Variants in TRAF6 observed in about 807,000 individuals in gnomAD.
TRAF6 encodes TNF receptor-associated factor 6.
In TRAF6, 10 loss-of-function variants were observed where a neutral mutation model predicts 48.4. That is an observed-to-expected ratio of 0.21 (90% confidence interval 0.13 to 0.35). The LOEUF (loss-of-function observed/expected upper bound fraction) is 0.35, where lower values mean the gene tolerates loss of function less well. Ranked by LOEUF, TRAF6 falls within the 10% of genes least tolerant of loss-of-function variation. The pLI is 1.00. For synonymous variants in TRAF6, 186 were observed against 219.6 expected, an observed-to-expected ratio of 0.85 and a Z score of 1.35; for missense variants, 397 against 661.0, an observed-to-expected ratio of 0.60 and a Z score of 4.38.
chr11:36,486,389 AAC>A lies in TRAF6; in HGVS notation c.*3447_*3448del, dbSNP rs1295178778. Among the ~76,000 whole-genome samples the A allele has an allele frequency of 1.3e-5, 2 of 152,110 alleles. No individual in the cohort carries two copies. Among genetic ancestry groups the A allele is most frequent in the Non-Finnish European group, 1.5e-5 (1 of 68,036 alleles). On this transcript the variant is annotated 3_prime_UTR_variant, in exon 7 of 7. Transcript: ENST00000526995. ...AGTAGAACTTGAGGCAAGCCAAGAG[AAC>A]AGTGTTAGTACATACAAGCAATTGT...
At position 36,486,595 on chromosome 11, in the gene TRAF6, T is replaced by C. The variant is rs692743; in HGVS notation, c.*3243A>G. Among the ~76,000 whole-genome samples, 3,736 of 152,200 alleles carry C rather than the reference T, an allele frequency of 0.025. 165 individuals are homozygous for C. Among genetic ancestry groups the C allele is most frequent in the African/African-American group, 0.086 (3,551 of 41,462 alleles). ...CCAGTATCTCTGTATTATTCCATCATTAGAATAAAAAACACCTGCCTTCAT... is the reference window on the plus strand; with the variant it reads ...CCAGTATCTCTGTATTATTCCATCACTAGAATAAAAAACACCTGCCTTCAT... On this transcript the variant is annotated 3_prime_UTR_variant, in exon 7 of 7. Transcript: ENST00000526995.
At chr11:36,502,374 T>G (rs1458524132) in intron 1 of TRAF6, among the ~76,000 whole-genome samples, 1 of 152,208 alleles carries the variant, frequency 6.6e-6, no homozygotes, top group Non-Finnish European at 1.5e-5. Flanking sequence ...AGATGAGATA[T>G]CCTCAAATTC....
chr11:36,500,842 TAC>T (rs1859706204), intron 2 of TRAF6, among the ~76,000 whole-genome samples: 1 of 152,116 alleles, frequency 6.6e-6, no homozygotes, highest in Non-Finnish European at 1.5e-5. Context: ...ACTGATCACT[TAC>T]AGAGTCAGTA....
rs531155196 is a variant in TRAF6 at position 36,484,645 on chromosome 11, C to T, written c.*5193G>A. Among the ~76,000 whole-genome samples, 1 of 150,480 alleles carries T rather than the reference C, an allele frequency of 6.6e-6. No individual in the cohort carries two copies. Among genetic ancestry groups the T allele is most frequent in the East Asian group, 2.0e-4 (1 of 5,070 alleles). On this transcript the variant is annotated 3_prime_UTR_variant, in exon 7 of 7. Transcript: ENST00000526995. Reference sequence around the variant, plus strand: ...AGGACACGAAGACAAAACTGATTGACCCATGGTCAGTCAGGAGAAAATGTG... The same window carrying T: ...AGGACACGAAGACAAAACTGATTGATCCATGGTCAGTCAGGAGAAAATGTG...
At position 36,490,107 on chromosome 11, in the gene TRAF6, T is replaced by C. The variant is rs200661146; in HGVS notation, c.1300A>G (p.Ile434Val). The C allele has an allele frequency of 1.9e-6, 3 of 1,614,208 alleles. No individual in the cohort carries two copies. In the Admixed American group the frequency reaches 5.0e-5, roughly 27 times the overall value. ...WPFQGTIRLTILDQSEAPVRQ... is the reference protein window; with the variant it reads ...WPFQGTIRLTVLDQSEAPVRQ... ...ACAGGTGCTTCAGACTGATCAAGAATTGTAAGGCGTATTGTACCCTGGAAG... is the reference window on the plus strand; with the variant it reads ...ACAGGTGCTTCAGACTGATCAAGAACTGTAAGGCGTATTGTACCCTGGAAG... Residue 434 changes from isoleucine to valine, a missense_variant, in exon 7 of 7, where the codon ATT becomes GTT. Ile to Val is a conservative substitution (Grantham distance 29). Coordinates refer to ENST00000526995, the MANE Select transcript of TRAF6 (RefSeq NM_004620.4). The surrounding 1 kb of genome is among the most constrained non-coding windows in gnomAD (Gnocchi z 6.4).
Position 36,489,124 on chromosome 11 carries a change from G to T in TRAF6, c.*714C>A, listed in dbSNP as rs1859527515. 6.6e-6 allele frequency: 1 copy of T among 152,374 alleles called. No individual in the cohort carries two copies. 9.4% of individuals were successfully genotyped at this position (152,374 alleles called of 1,614,324 possible). A position where few individuals can be genotyped will look rare whatever the true frequency, so the allele number is the denominator to read the frequency against. On this transcript the variant is annotated 3_prime_UTR_variant, in exon 7 of 7. Transcript: ENST00000526995. The stretch of plus-strand genomic sequence containing the variant: ...GGTTCTCAGCATTATAAACTCTGGG[G>T]AAGATGCTACTTCGTAACCTCAAGG...
intron 1 of TRAF6, among the ~76,000 whole-genome samples, chr11:36,503,800 T>C (rs1441203870): frequency 6.6e-6 from 1 of 152,182 alleles, no homozygotes; most frequent in Non-Finnish European, 1.5e-5. Context: ...CAAATGATGC[T>C]GTTATGCTAC....
chr11:36,503,427 G>A (rs190877017), intron 1 of TRAF6, among the ~76,000 whole-genome samples: 73 of 151,994 alleles, frequency 4.8e-4, no homozygotes, highest in Non-Finnish European at 7.9e-4. Context: ...TGGGATTACA[G>A]GCGCCCGCCA....
At position 36,484,238 on chromosome 11, in the gene TRAF6, C is replaced by G. The variant is rs1366283272; in HGVS notation, c.*5600G>C. On this transcript the variant is annotated 3_prime_UTR_variant, in exon 7 of 7. Coordinates refer to ENST00000526995, the MANE Select transcript of TRAF6 (RefSeq NM_004620.4). ...TCAAATCTGGATAATTCCTTTAATC[C>G]CTTCCTTCAATACAACCTGCTCTTA... 6.6e-6 allele frequency among the ~76,000 whole-genome samples: 1 copy of G among 152,144 alleles called. No individual in the cohort carries two copies. The highest frequency in any genetic ancestry group is 1.5e-5 in the Non-Finnish European group (1 of 68,022).
intron 5 of TRAF6, among the ~76,000 whole-genome samples, chr11:36,494,484 T>C (rs1859603366): frequency 6.6e-6 from 1 of 152,154 alleles, no homozygotes; most frequent in Non-Finnish European, 1.5e-5. Flanking sequence ...GTCCTAAAAA[T>C]CTGAAAACTT....
At chr11:36,501,618 A>G in intron 1 of TRAF6, 81 bp from the exon 2 acceptor site, 1 of 1,085,484 alleles carries the variant, frequency 9.2e-7, no homozygotes, top group Non-Finnish European at 1.3e-6. Flanking sequence ...TAGCTTATCT[A>G]TACAAGTCAC....
chr11:36,510,184 C>G lies in TRAF6; in HGVS notation c.-159G>C, dbSNP rs1481508196. 6.6e-6 allele frequency: 1 copy of G among 152,402 alleles called. No individual in the cohort carries two copies. Among genetic ancestry groups the G allele is most frequent in the African/African-American group, 2.4e-5 (1 of 41,466 alleles). The allele number at this position is 152,402 out of a possible 1,614,324, so 9.4% of individuals were successfully genotyped here. ...GACGAGGCTGCTTGGACGGCAAACT[C>G]TGGATCCAGTGGGAGCCTTCGCCAC... On this transcript the variant is annotated 5_prime_UTR_variant, in exon 1 of 7. Coordinates refer to ENST00000526995, the MANE Select transcript of TRAF6 (RefSeq NM_004620.4).
Position 36,501,371 on chromosome 11 carries a change from A to G in TRAF6, c.145T>C (p.Phe49Leu), listed in dbSNP as rs1311497253. 1 of 1,614,074 alleles carries G rather than the reference A, an allele frequency of 6.2e-7. No homozygotes were observed. The highest frequency in any genetic ancestry group is 8.5e-7 in the Non-Finnish European group (1 of 1,180,010). The change falls in exon 2 of 7, where the codon TTT becomes CTT. Residue 49 changes from phenylalanine to leucine, a missense_variant. Physicochemically the swap from Phe to Leu is conservative, Grantham distance 22 (BLOSUM62 0). Around this residue, in one of 4 missense-constraint regions of TRAF6, gnomAD observed 73 missense variants for 87.3 expected, o/e 0.84. Transcript: ENST00000526995. ...TASTGNLSSS[F>L]MEEIQGYDVE... The stretch of plus-strand genomic sequence containing the variant: ...TCATATCCCTGGATCTCCTCCATAA[A>G]TGAGCTGGAGAGGTTCCCCGTGCTG...
chr11:36,509,735 C>T (rs1859876288), intron 1 of TRAF6, among the ~76,000 whole-genome samples: 1 of 152,004 alleles, frequency 6.6e-6, no homozygotes, highest in Admixed American at 6.5e-5. Context: ...GTGTCCCCGA[C>T]CTGTGGGAAG....
chr11:36,492,021 A>ATTC (rs1386846871), intron 6 of TRAF6, among the ~76,000 whole-genome samples: 3 of 152,192 alleles, frequency 2.0e-5, no homozygotes, highest in African/African-American at 7.2e-5. Flanking sequence ...ACCAAGAGTC[A>ATTC]TTCTAGACGC....
rs1305165231 is a variant in TRAF6 at position 36,484,389 on chromosome 11, TC to T, written c.*5448del. 6.6e-6 allele frequency among the ~76,000 whole-genome samples: 1 copy of T among 152,180 alleles called. No homozygotes were observed. Among genetic ancestry groups the T allele is most frequent in the East Asian group, 1.9e-4 (1 of 5,200 alleles). On this transcript the variant is annotated 3_prime_UTR_variant, in exon 7 of 7. Coordinates refer to ENST00000526995, the MANE Select transcript of TRAF6 (RefSeq NM_004620.4). ...TGGATTAGGATAACTGCTTACAAAT[TC>T]CATGGCAATAGTTAAGTTCTGAGGA...
At chr11:36,497,704 A>G (rs1021234564) in intron 3 of TRAF6, among the ~76,000 whole-genome samples, 2 of 152,216 alleles carry the variant, frequency 1.3e-5, no homozygotes, top group Non-Finnish European at 2.9e-5. Context: ...AAATTATTTT[A>G]TAATCTGATT....
intron 2 of TRAF6, among the ~76,000 whole-genome samples, chr11:36,499,115 A>G (rs1165042083): frequency 6.6e-6 from 1 of 152,214 alleles, no homozygotes; most frequent in African/African-American, 2.4e-5. Context: ...GTGAGGTCAC[A>G]TTTTAAAGTT....
At chr11:36,498,753 A>G (rs1417961805) in intron 2 of TRAF6, 113 bp from the exon 3 acceptor site, 3 of 1,128,198 alleles carry the variant, frequency 2.7e-6, no homozygotes, top group Non-Finnish European at 3.7e-6. Flanking sequence ...AGTAAAAACA[A>G]TTTAACATAT....
Sources: gnomAD v4.1 joint callset for allele counts (sites outside exome capture counted in the v4.1 genomes callset) on GRCh38, gnomAD v4.1.1 for gene constraint, gnomAD v4.1.1 regional missense constraint, Gnocchi (gnomAD v3.1) non-coding constraint, MANE v1.5 for transcripts, NCBI Gene and HGNC (gene_info 2026-07-23, HGNC 2026-07-21) for gene names.